Variants in PTPRN2 observed in about 807,000 individuals in gnomAD.
PTPRN2 encodes receptor-type tyrosine-protein phosphatase N2.
In PTPRN2, 74 loss-of-function variants were observed where a neutral mutation model predicts 118.8. That is an observed-to-expected ratio of 0.62 (90% CI 0.52 to 0.76). PTPRN2 has a LOEUF of 0.76. Among genes scored for constraint, PTPRN2 ranks in the 30% least tolerant of loss-of-function variants. The probability of loss-of-function intolerance (pLI) is 0.00; values close to 1 mark genes in which losing one functional copy is unlikely to be tolerated. For synonymous variants in PTPRN2, 641 were observed against 608.0 expected (o/e 1.05, Z -0.80); for missense variants, 1,481 against 1,394.4 (o/e 1.06, Z -0.99).
rs1359057394 is a variant in PTPRN2, at chr7:158,100,278, T to TGTGTGC, written c.1643+10550_1643+10551insGCACAC. 2.2e-3 allele frequency among the ~76,000 whole-genome samples: 322 copies of TGTGTGC among 149,584 alleles called. 2 individuals are homozygous for TGTGTGC. Among genetic ancestry groups the TGTGTGC allele is most frequent in the African/African-American group, 7.7e-3 (313 of 40,494 alleles). On this transcript the variant is annotated intron_variant, in intron 10 of 22. Transcript: ENST00000389418. ...GTGTGTGTGTGTGTGTGTGTGTGTG[T>TGTGTGC]GCCACGATTTCTTTATCTACTCATT...
intron 2 of PTPRN2, among the ~76,000 whole-genome samples, chr7:158,333,874 C>G (rs1805021390): frequency 6.8e-6 from 1 of 146,390 alleles, no homozygotes; most frequent in Non-Finnish European, 1.5e-5. Flanking sequence ...CACTCACACC[C>G]ACACTCTCAC....
chr7:158,058,753 C>T (rs527268871), intron 11 of PTPRN2, among the ~76,000 whole-genome samples: 2 of 105,358 alleles, frequency 1.9e-5, no homozygotes, highest in African/African-American at 9.4e-5. Flanking sequence ...TACAGCCACA[C>T]TCCATCTGCC....
chr7:157,581,985 A>G (rs1800407283), intron 17 of PTPRN2, among the ~76,000 whole-genome samples: 1 of 152,230 alleles, frequency 6.6e-6, no homozygotes, highest in Non-Finnish European at 1.5e-5. Flanking sequence ...GACACTGCAG[A>G]GGCCGTGAGG....
intron 2 of PTPRN2, among the ~76,000 whole-genome samples, chr7:158,318,233 C>T (rs1056253518): frequency 3.9e-5 from 6 of 152,072 alleles, no homozygotes; most frequent in African/African-American, 9.7e-5. Flanking sequence ...TCCTCAGACA[C>T]GCACCATTCA....
chr7:158,146,648 G>T (rs959389075), intron 6 of PTPRN2, among the ~76,000 whole-genome samples: 1 of 148,864 alleles, frequency 6.7e-6, no homozygotes, highest in South Asian at 2.1e-4. Context: ...GTGAACCCAG[G>T]AGGCGGAGCT....
intron 17 of PTPRN2, among the ~76,000 whole-genome samples, chr7:157,592,985 T>C (rs1478858907): frequency 4.0e-5 from 4 of 99,826 alleles, no homozygotes; most frequent in Admixed American, 2.1e-4. Context: ...GGTCATTGAG[T>C]GTGGATGCCG....
At chr7:158,363,165 G>C (rs1239833021) in intron 2 of PTPRN2, among the ~76,000 whole-genome samples, 1 of 152,188 alleles carries the variant, frequency 6.6e-6, no homozygotes, top group African/African-American at 2.4e-5. Context: ...AGCCTTCGCT[G>C]AGCCTCCACC....
intron 11 of PTPRN2, among the ~76,000 whole-genome samples, chr7:157,938,524 G>C (rs1022915433): frequency 2.6e-5 from 4 of 152,190 alleles, no homozygotes; most frequent in African/African-American, 9.7e-5. Flanking sequence ...GGGAAGGAGA[G>C]GCCCAGGGAG....
chr7:157,575,251 C>G (rs994530414), intron 19 of PTPRN2, among the ~76,000 whole-genome samples: 1 of 152,276 alleles, frequency 6.6e-6, no homozygotes. Flanking sequence ...TTTGAAGACT[C>G]TATTTCAGGA....
intron 3 of PTPRN2, among the ~76,000 whole-genome samples, chr7:158,210,274 TA>T (rs200527884): frequency 0.16 from 24,259 of 151,484 alleles, 2,274 homozygotes; most frequent in Non-Finnish European, 0.22. Flanking sequence ...TAGCTGGGAC[TA>T]CAGGCGCCCG....
chr7:157,649,722 G>A (rs1168995673), intron 14 of PTPRN2, among the ~76,000 whole-genome samples: 12 of 139,514 alleles, frequency 8.6e-5, no homozygotes, highest in Non-Finnish European at 1.4e-4. Flanking sequence ...TCGGTGGGTC[G>A]GACCCATTCA....
intron 11 of PTPRN2, among the ~76,000 whole-genome samples, chr7:158,020,934 AGGAGGCTGTTCCTAGAC>A (rs1806831627): frequency 6.6e-6 from 1 of 152,278 alleles, no homozygotes; most frequent in African/African-American, 2.4e-5. Flanking sequence ...CCCTCTATAG[AGGAGGCTGTTCCTAGAC>A]GGACATCGGG....
At chr7:158,280,904 C>A (rs1010650434) in intron 3 of PTPRN2, among the ~76,000 whole-genome samples, 5 of 152,180 alleles carry the variant, frequency 3.3e-5, no homozygotes, top group African/African-American at 1.2e-4. Flanking sequence ...AGGCGCCAGG[C>A]CCTGCGCCGG....
chr7:158,071,531 C>T (rs200549636), intron 11 of PTPRN2, among the ~76,000 whole-genome samples: 15,685 of 78,204 alleles, frequency 0.2, 536 homozygotes, highest in South Asian at 0.29. Flanking sequence ...TGGAGATGCT[C>T]GTGATGATGG....
chr7:158,205,233 G>A lies in PTPRN2; in HGVS notation c.318C>T (p.Asp106=). 1 of 1,614,082 alleles carries A rather than the reference G, an allele frequency of 6.2e-7. No homozygotes were observed. Among genetic ancestry groups the A allele is most frequent in the Non-Finnish European group, 8.5e-7 (1 of 1,180,022 alleles). ...TTTTCGGGAGGTCTGCAAGTTCCTG[G>A]TCCATCACATACTGAGTATAGTCAT... The part of the protein sequence containing the change: ...WQDDYTQYVM[D]QELADLPKTY... Residue 106 remains aspartate (D), a synonymous_variant, in exon 4 of 23, where the codon GAC becomes GAT. Coordinates refer to ENST00000389418, the MANE Select transcript of PTPRN2 (RefSeq NM_002847.5).
chr7:157,890,724 G>A (rs1247861250), intron 12 of PTPRN2, among the ~76,000 whole-genome samples: 1 of 152,202 alleles, frequency 6.6e-6, no homozygotes, highest in Non-Finnish European at 1.5e-5. Context: ...CTGTAGCTCT[G>A]ACATTTCACC....
intron 3 of PTPRN2, among the ~76,000 whole-genome samples, chr7:158,236,392 G>A (rs1490884758): frequency 6.6e-6 from 1 of 152,070 alleles, no homozygotes; most frequent in Non-Finnish European, 1.5e-5. Context: ...CACCCCTCTA[G>A]CCACCGTGCT....
intron 12 of PTPRN2, among the ~76,000 whole-genome samples, chr7:157,807,653 T>C (rs4716783): frequency 0.23 from 35,075 of 152,208 alleles, 5,674 homozygotes; most frequent in African/African-American, 0.46. Flanking sequence ...GCCTGAGAGC[T>C]GACAAATCCT....
intron 1 of PTPRN2, among the ~76,000 whole-genome samples, chr7:158,516,088 C>T (rs1043768307): frequency 6.6e-5 from 10 of 152,242 alleles, no homozygotes; most frequent in Admixed American, 3.9e-4. Flanking sequence ...ACGCCCCGGC[C>T]GCCTGGCCAT....
Sources: allele counts gnomAD v4.1 joint callset (sites outside exome capture counted in the v4.1 genomes callset), GRCh38; gene constraint gnomAD v4.1.1; transcripts MANE v1.5; gene names NCBI Gene and HGNC (gene_info 2026-07-23, HGNC 2026-07-21).